The following MVB12B variants were observed in gnomAD, a reference collection of about 807,000 sequenced individuals.
MVB12B encodes multivesicular body subunit 12B.
MVB12B carries 16 observed loss-of-function variants against 41.6 expected under a neutral mutation model. The ratio of observed to expected loss-of-function variants is 0.38; its 90% CI spans 0.26 to 0.58. The LOEUF (loss-of-function observed/expected upper bound fraction) is 0.58, where lower values mean the gene tolerates loss of function less well. MVB12B is among the 20% of genes least tolerant of loss of function. MVB12B has a pLI of 0.62. For synonymous variants in MVB12B, 133 were observed against 139.7 expected (o/e 0.95, Z 0.34); for missense variants, 274 against 380.2 (o/e 0.72, Z 2.32).
At chr9:126,359,886 C>G (rs1296366988) in intron 2 of MVB12B, among the ~76,000 whole-genome samples, 4 of 152,064 alleles carry the variant, frequency 2.6e-5, no homozygotes, top group Non-Finnish European at 1.5e-5. Context: ...TCAATCTTCT[C>G]AAAGAACCAG....
chr9:126,361,115 A>T (rs1349167973), intron 2 of MVB12B, among the ~76,000 whole-genome samples: 1 of 151,272 alleles, frequency 6.6e-6, no homozygotes, highest in Non-Finnish European at 1.5e-5. Flanking sequence ...TGTTTAATTA[A>T]TTTTTTCCCA....
chr9:126,482,697 C>T (rs949166906), intron 8 of MVB12B, among the ~76,000 whole-genome samples: 1 of 152,230 alleles, frequency 6.6e-6, no homozygotes. Flanking sequence ...GCACAGAGAG[C>T]ACCACACTGT....
chr9:126,455,711 C>T (rs1468996972), intron 7 of MVB12B, among the ~76,000 whole-genome samples: 1 of 151,622 alleles, frequency 6.6e-6, no homozygotes, highest in African/African-American at 2.4e-5. Context: ...GCCTTGAACT[C>T]CTGGGCTCAA....
chr9:126,335,748 C>T (rs1829255864), intron 1 of MVB12B, among the ~76,000 whole-genome samples: 1 of 152,256 alleles, frequency 6.6e-6, no homozygotes, highest in African/African-American at 2.4e-5. Context: ...CTTCCTTCCT[C>T]AGCCCTGTAA....
intron 6 of MVB12B, among the ~76,000 whole-genome samples, chr9:126,404,438 C>A (rs7847688): frequency 6.6e-6 from 1 of 152,010 alleles, no homozygotes; most frequent in Non-Finnish European, 1.5e-5. Flanking sequence ...TGTCACGAGG[C>A]CCCCAGCCGT....
chr9:126,444,960 A>G (rs773576845), intron 7 of MVB12B, among the ~76,000 whole-genome samples: 4 of 152,178 alleles, frequency 2.6e-5, no homozygotes, highest in Non-Finnish European at 4.4e-5. Context: ...GCTTTTAATA[A>G]TTATAAATGT....
intron 2 of MVB12B, among the ~76,000 whole-genome samples, chr9:126,365,635 C>G (rs530187962): frequency 5.3e-5 from 8 of 152,104 alleles, no homozygotes; most frequent in Non-Finnish European, 1.2e-4. Context: ...AACACTGCAC[C>G]CGGCCTCCAG....
At chr9:126,407,362 T>A (rs971188997) in intron 6 of MVB12B, among the ~76,000 whole-genome samples, 1 of 152,214 alleles carries the variant, frequency 6.6e-6, no homozygotes, top group Non-Finnish European at 1.5e-5. Flanking sequence ...GACCCTGGCC[T>A]TCTCCCAGCA....
Position 126,380,728 on chromosome 9 carries a change from TC to T in MVB12B, c.205-330del, listed in dbSNP as rs368218560. On this transcript the variant is annotated intron_variant, in intron 2 of 9. Transcript: ENST00000361171. ...GGACTCCTTTCTTCACCCCGCACCA[TC>T]CCCCCGAGTAAGTGGTAATAGCCGC... Among the ~76,000 whole-genome samples the T allele has an allele frequency of 1.6e-4, 24 of 152,128 alleles. No individual in the cohort carries two copies. The South Asian group carries it at 4.6e-3, about 29-fold the overall frequency.
intron 2 of MVB12B, among the ~76,000 whole-genome samples, chr9:126,348,895 A>C (rs1321969687): frequency 6.6e-6 from 1 of 152,192 alleles, no homozygotes; most frequent in Non-Finnish European, 1.5e-5. Context: ...TTAATACAGA[A>C]CATTTCTGTT....
intron 9 of MVB12B, among the ~76,000 whole-genome samples, chr9:126,496,178 G>A (rs1030880383): frequency 2.7e-5 from 4 of 149,264 alleles, no homozygotes; most frequent in African/African-American, 7.5e-5. Flanking sequence ...ACTCACCATC[G>A]ACTTGTCCAC....
In MVB12B at chr9:126,392,647, A is replaced by T. The variant is rs923066396; in HGVS notation, c.539+452A>T. Among the ~76,000 whole-genome samples the T allele has an allele frequency of 6.6e-6, 1 of 152,234 alleles. No individual in the cohort carries two copies. Among genetic ancestry groups the T allele is most frequent in the Non-Finnish European group, 1.5e-5 (1 of 68,046 alleles). ...AGCAATAAACAAGAAAATAAATGAGATAATTCCAGACAGTGAAGAAAGTGA... is the reference window on the plus strand; with the variant it reads ...AGCAATAAACAAGAAAATAAATGAGTTAATTCCAGACAGTGAAGAAAGTGA... On this transcript the variant is annotated intron_variant, in intron 5 of 9. Coordinates refer to ENST00000361171, the MANE Select transcript of MVB12B (RefSeq NM_033446.3). This position sits in a 1 kb window ranked among gnomAD's most constrained non-coding sequence, Gnocchi z 4.8.
chr9:126,349,088 G>A (rs1274614193), intron 2 of MVB12B, among the ~76,000 whole-genome samples: 1 of 152,140 alleles, frequency 6.6e-6, no homozygotes, highest in Non-Finnish European at 1.5e-5. Flanking sequence ...GGGTGTGTCA[G>A]GAAGCACAGA....
At chr9:126,422,461 C>T (rs868822866) in intron 7 of MVB12B, among the ~76,000 whole-genome samples, 1 of 152,202 alleles carries the variant, frequency 6.6e-6, no homozygotes, top group Non-Finnish European at 1.5e-5. Flanking sequence ...GCAGGAACTT[C>T]ATCAGTCCTA....
chr9:126,463,020 A>T (rs1833120608), intron 7 of MVB12B, among the ~76,000 whole-genome samples: 1 of 152,216 alleles, frequency 6.6e-6, no homozygotes, highest in Admixed American at 6.5e-5. Flanking sequence ...ATCAAAGCGC[A>T]TGTCAGTTCG....
At chr9:126,363,390 G>A (rs1830077814) in intron 2 of MVB12B, among the ~76,000 whole-genome samples, 1 of 152,128 alleles carries the variant, frequency 6.6e-6, no homozygotes, top group Non-Finnish European at 1.5e-5. Context: ...GGGAGTGGCA[G>A]GTGATTGGAG....
intron 1 of MVB12B, among the ~76,000 whole-genome samples, chr9:126,331,720 G>A (rs1435450250): frequency 1.3e-5 from 2 of 152,238 alleles, no homozygotes; most frequent in East Asian, 3.8e-4. Flanking sequence ...TGTACAGTAA[G>A]TGTCAGAGCT....
In MVB12B at chr9:126,386,511, C is replaced by A. The variant is rs1830797818; in HGVS notation, c.313-51C>A. 7.0e-7 allele frequency: 1 copy of A among 1,437,502 alleles called. No individual in the cohort carries two copies. The highest frequency in any genetic ancestry group is 9.8e-7 in the Non-Finnish European group (1 of 1,023,196). The allele number at this position is 1,437,502 out of a possible 1,614,324, so 89.0% of individuals were successfully genotyped here. On this transcript the variant is annotated intron_variant, in intron 3 of 9. Transcript: ENST00000361171. This position sits in a 1 kb window ranked among gnomAD's most constrained non-coding sequence, Gnocchi z 4.3. ...TCTGGAAGCCAAAATGGCAAACCCA[C>A]CACATGCATGTTCAGATTAATAGTC...
chr9:126,490,578 C>T (rs1249365264), intron 9 of MVB12B, among the ~76,000 whole-genome samples: 1 of 152,202 alleles, frequency 6.6e-6, no homozygotes, highest in African/African-American at 2.4e-5. Context: ...ATTAGCCTGC[C>T]GCACTCCTGG....
Sources: gnomAD v4.1 joint callset for allele counts (sites outside exome capture counted in the v4.1 genomes callset) on GRCh38, gnomAD v4.1.1 for gene constraint, Gnocchi (gnomAD v3.1) non-coding constraint, MANE v1.5 for transcripts, NCBI Gene and HGNC (gene_info 2026-07-23, HGNC 2026-07-21) for gene names.